The following ADGRB3 variants were observed in gnomAD, a reference collection of about 807,000 sequenced individuals.
ADGRB3 encodes brain-specific angiogenesis inhibitor 3.
ADGRB3 carries 37 observed loss-of-function variants against 193.4 expected under a neutral mutation model. That is an observed-to-expected ratio of 0.19 (90% CI 0.15 to 0.25). ADGRB3 has a LOEUF of 0.25. Ranked by LOEUF, ADGRB3 falls within the 10% of genes least tolerant of loss-of-function variation. ADGRB3 has a pLI of 1.00. For synonymous variants in ADGRB3, 690 were observed against 644.2 expected, an observed-to-expected ratio of 1.07 and a Z score of -1.08; for missense variants, 1,637 against 1,852.9, an observed-to-expected ratio of 0.88 and a Z score of 2.14.
At chr6:69,309,716 A>T (rs1317078431) in intron 20 of ADGRB3, among the ~76,000 whole-genome samples, 1 of 151,822 alleles carries the variant, frequency 6.6e-6, no homozygotes, top group Admixed American at 6.6e-5. Flanking sequence ...GCATTAATGC[A>T]TGTGGTCATA....
chr6:68,678,676 TCTAACA>T (rs1764820072), intron 3 of ADGRB3, among the ~76,000 whole-genome samples: 1 of 152,172 alleles, frequency 6.6e-6, no homozygotes, highest in African/African-American at 2.4e-5. Context: ...TGCCTTTGGA[TCTAACA>T]GCCAGTTTTG....
At chr6:68,913,322 G>A (rs889635152) in intron 3 of ADGRB3, among the ~76,000 whole-genome samples, 2 of 152,108 alleles carry the variant, frequency 1.3e-5, no homozygotes, top group Non-Finnish European at 2.9e-5. Context: ...CACCTCACAC[G>A]GCCGGGTACT....
At chr6:69,077,707 A>T (rs1303084017) in intron 17 of ADGRB3, among the ~76,000 whole-genome samples, 1 of 152,008 alleles carries the variant, frequency 6.6e-6, no homozygotes, top group Non-Finnish European at 1.5e-5. Context: ...CATGACTCTT[A>T]TCTGTCACGA....
chr6:68,797,624 G>A (rs1767236473), intron 3 of ADGRB3, among the ~76,000 whole-genome samples: 1 of 152,102 alleles, frequency 6.6e-6, no homozygotes, highest in Non-Finnish European at 1.5e-5. Context: ...TCCTATTTAA[G>A]GAGCTAAATC....
At chr6:69,284,670 A>T (rs1767510934) in intron 20 of ADGRB3, among the ~76,000 whole-genome samples, 1 of 152,106 alleles carries the variant, frequency 6.6e-6, no homozygotes, top group African/African-American at 2.4e-5. Context: ...ACCTAAAAAA[A>T]ACCTTGATTT....
intron 17 of ADGRB3, among the ~76,000 whole-genome samples, chr6:69,207,250 G>C (rs1263196660): frequency 6.6e-6 from 1 of 152,174 alleles, no homozygotes; most frequent in African/African-American, 2.4e-5. Flanking sequence ...AAAAAAATTT[G>C]CTAGTGGATC....
Position 69,322,277 on chromosome 6 carries a change from G to A in ADGRB3, c.2815-2595G>A, listed in dbSNP as rs138501625. ...ATTGTTGGGCATTTGGGTTGATTCC[G>A]TTTCTTTTCTATTATGAATACTGCT... On this transcript the variant is annotated intron_variant, in intron 20 of 31. Coordinates refer to ENST00000370598, the MANE Select transcript of ADGRB3 (RefSeq NM_001704.3). Among the ~76,000 whole-genome samples the A allele has an allele frequency of 2.9e-3, 446 of 151,692 alleles. 4 individuals carry two copies. Among genetic ancestry groups the A allele is most frequent in the African/African-American group, 1.0e-2 (413 of 41,442 alleles).
At chr6:69,022,328 A>T (rs1454917803) in intron 13 of ADGRB3, among the ~76,000 whole-genome samples, 1 of 151,866 alleles carries the variant, frequency 6.6e-6, no homozygotes, top group Non-Finnish European at 1.5e-5. Context: ...AAAATGTATT[A>T]GTATCAATTA....
chr6:68,709,897 C>A (rs1192628077), intron 3 of ADGRB3, among the ~76,000 whole-genome samples: 1 of 152,166 alleles, frequency 6.6e-6, no homozygotes, highest in Non-Finnish European at 1.5e-5. Context: ...AAGCTGAAAA[C>A]CACTACATTT....
intron 6 of ADGRB3, among the ~76,000 whole-genome samples, chr6:68,950,966 A>G (rs886354654): frequency 2.0e-5 from 3 of 152,146 alleles, no homozygotes; most frequent in Non-Finnish European, 4.4e-5. Flanking sequence ...CGCATGGCCT[A>G]TAGGGCCCTA....
At chr6:68,655,643 A>C (rs1335358453) in intron 3 of ADGRB3, among the ~76,000 whole-genome samples, 1 of 151,732 alleles carries the variant, frequency 6.6e-6, no homozygotes, top group African/African-American at 2.4e-5. Context: ...CACATGAGAA[A>C]AAATTTCTAA....
intron 15 of ADGRB3, among the ~76,000 whole-genome samples, chr6:69,054,932 A>G (rs1258168681): frequency 3.9e-5 from 6 of 152,186 alleles, no homozygotes; most frequent in Non-Finnish European, 7.4e-5. Flanking sequence ...TCTTATTTAA[A>G]TTGGTCTATT....
chr6:68,915,623 A>G (rs1242624804), intron 3 of ADGRB3, among the ~76,000 whole-genome samples: 1 of 152,190 alleles, frequency 6.6e-6, no homozygotes, highest in African/African-American at 2.4e-5. Context: ...GTAGTTTTGG[A>G]GAACTAAAAG....
At chr6:69,082,958 C>T (rs1472304513) in intron 17 of ADGRB3, among the ~76,000 whole-genome samples, 1 of 152,166 alleles carries the variant, frequency 6.6e-6, no homozygotes, top group African/African-American at 2.4e-5. Context: ...AACCTAGGAT[C>T]CCTTAAGCTA....
At chr6:69,067,733 A>G (rs1406012999) in intron 16 of ADGRB3, among the ~76,000 whole-genome samples, 3 of 152,148 alleles carry the variant, frequency 2.0e-5, no homozygotes, top group African/African-American at 7.2e-5. Context: ...TTGAAATGCT[A>G]CTAGACAAGG....
At chr6:68,647,556 T>C (rs1369489365) in intron 3 of ADGRB3, among the ~76,000 whole-genome samples, 1 of 152,140 alleles carries the variant, frequency 6.6e-6, no homozygotes, top group Admixed American at 6.5e-5. Context: ...CATAGAGATA[T>C]GTGTCTGTTT....
intron 17 of ADGRB3, among the ~76,000 whole-genome samples, chr6:69,152,700 A>T (rs551882563): frequency 9.2e-5 from 14 of 152,352 alleles, no homozygotes; most frequent in African/African-American, 3.4e-4. Context: ...ATAAAAGTTG[A>T]TCCATCACAA....
In ADGRB3 at chr6:69,104,898, A is replaced by G. The variant is rs549029786; in HGVS notation, c.2480+28860A>G. ...TTATCATCTGTTCATTTTCATCCAA[A>G]AGATATTTTTCTTGTGATTGGGAGA... On this transcript the variant is annotated intron_variant, in intron 17 of 31. Coordinates refer to ENST00000370598, the MANE Select transcript of ADGRB3 (RefSeq NM_001704.3). Among the ~76,000 whole-genome samples, 17 of 152,250 alleles carry G rather than the reference A, an allele frequency of 1.1e-4. No homozygotes were observed. The South Asian group carries it at 3.5e-3, about 32-fold the overall frequency.
chr6:69,372,429 C>A lies in ADGRB3; in HGVS notation c.4263C>A (p.Asp1421Glu), dbSNP rs775119819. ...SLERRKSRYS[D>E]LDFEKVMHTR... Reference sequence around the variant, plus strand: ...AGAGAAGAAAATCACGATATTCAGACCTTGACTTTGAGGTAAGTTTATATG... The same window carrying A: ...AGAGAAGAAAATCACGATATTCAGAACTTGACTTTGAGGTAAGTTTATATG... The change falls in exon 30 of 32, where the codon GAC becomes GAA. Residue 1421 changes from aspartate to glutamate, a missense_variant. By Grantham distance (45) the Asp-to-Glu change is conservative. Around this residue, in one of 7 missense-constraint regions of ADGRB3, gnomAD observed 368 missense variants for 367.4 expected, o/e 1.00. Transcript: ENST00000370598. 2 of 1,364,054 alleles carry A rather than the reference C, an allele frequency of 1.5e-6. No individual in the cohort carries two copies. The highest frequency in any genetic ancestry group is 2.8e-5 in the South Asian group (2 of 72,614). The allele number at this position is 1,364,054 out of a possible 1,614,324, so 84.5% of individuals were successfully genotyped here.
Sources: allele counts gnomAD v4.1 joint callset (sites outside exome capture counted in the v4.1 genomes callset), GRCh38; gene constraint gnomAD v4.1.1; regional missense constraint gnomAD v4.1.1; transcripts MANE v1.5; gene names NCBI Gene and HGNC (gene_info 2026-07-23, HGNC 2026-07-21).